Variants in LNX1 observed in about 807,000 individuals in gnomAD.
The protein encoded by LNX1 is ligand of numb-protein X 1.
LNX1 carries 54 observed loss-of-function variants against 68.4 expected under a neutral mutation model. The ratio of observed to expected loss-of-function variants is 0.79; its 90% confidence interval spans 0.63 to 0.99. The LOEUF (loss-of-function observed/expected upper bound fraction) is 0.99, where lower values mean the gene tolerates loss of function less well. Ranked by LOEUF, LNX1 falls within the 50% of genes least tolerant of loss-of-function variation. The pLI is 0.00. For synonymous variants in LNX1, 336 were observed against 350.0 expected, an observed-to-expected ratio of 0.96 and a Z score of 0.45; for missense variants, 906 against 926.4, an observed-to-expected ratio of 0.98 and a Z score of 0.29.
chr4:53,624,552 A>G (rs144588444), intron 1 of LNX1, among the ~76,000 whole-genome samples: 148 of 152,286 alleles, frequency 9.7e-4, no homozygotes, highest in Non-Finnish European at 2.0e-3. Context: ...TGTCTTTATC[A>G]GCAGCATGAA....
At chr4:53,579,127 T>G in intron 1 of LNX1, 1 of 268,046 alleles carries the variant, frequency 3.7e-6, no homozygotes, top group Non-Finnish European at 5.7e-6. Context: ...CCATATAAAT[T>G]TACTGAATGT....
chr4:53,463,244 C>T (rs1449449656), intron 9 of LNX1, among the ~76,000 whole-genome samples: 1 of 152,028 alleles, frequency 6.6e-6, no homozygotes, highest in Non-Finnish European at 1.5e-5. Flanking sequence ...CCTCTTGATA[C>T]TGGAGAGAAC....
Position 53,459,426 on chromosome 4 carries a change from A to G in LNX1, c.*1481T>C. On this transcript the variant is annotated 3_prime_UTR_variant, in exon 11 of 11. Coordinates refer to ENST00000263925, the MANE Select transcript of LNX1 (RefSeq NM_001126328.3). ...TGAGCCTGCCCCTGAACAGGAGAGC[A>G]CCGAAGCTACACCTGCAGAATAGGC... is the stretch of plus-strand genomic sequence containing the variant. The G allele has an allele frequency of 3.1e-6, 5 of 1,613,320 alleles. No individual in the cohort carries two copies. The highest frequency in any genetic ancestry group is 4.2e-6 in the Non-Finnish European group (5 of 1,179,580).
chr4:53,629,112 C>T lies in LNX1; in HGVS notation c.-215+23056G>A, dbSNP rs73151316. ...CCATGTAACCATAAACCACTTGTACCCCCAAAGCTATTGAAATAAATGTGA... is the reference window on the plus strand; with the variant it reads ...CCATGTAACCATAAACCACTTGTACTCCCAAAGCTATTGAAATAAATGTGA... On this transcript the variant is annotated intron_variant, in intron 1 of 2. Coordinates refer to the LNX1 transcript ENST00000507168. Among the ~76,000 whole-genome samples, 822 of 152,174 alleles carry T rather than the reference C, an allele frequency of 5.4e-3. 3 individuals carry two copies. The highest frequency in any genetic ancestry group is 0.019 in the African/African-American group (787 of 41,510).
intron 2 of LNX1, among the ~76,000 whole-genome samples, chr4:53,527,067 A>AAAAAT (rs1727668081): frequency 6.6e-6 from 1 of 151,398 alleles, no homozygotes; most frequent in South Asian, 2.1e-4. Flanking sequence ...AAAAAAAAAA[A>AAAAAT]AAAAACTAGA....
intron 2 of LNX1, among the ~76,000 whole-genome samples, chr4:53,615,772 T>G (rs982147054): frequency 2.6e-5 from 4 of 152,188 alleles, no homozygotes; most frequent in African/African-American, 9.7e-5. Flanking sequence ...TAAAAAATTT[T>G]TAGTGGGCAT....
chr4:53,495,004 C>T (rs1160063976), intron 6 of LNX1, among the ~76,000 whole-genome samples: 5 of 151,916 alleles, frequency 3.3e-5, no homozygotes, highest in African/African-American at 9.7e-5. Flanking sequence ...GGACGTGGGG[C>T]GGGGAGGGAA....
intron 1 of LNX1, among the ~76,000 whole-genome samples, chr4:53,581,900 T>C (rs993140142): frequency 7.2e-5 from 11 of 152,244 alleles, no homozygotes; most frequent in African/African-American, 2.7e-4. Context: ...TTTAGCTTAC[T>C]GATCTTGTCT....
chr4:53,626,954 C>T (rs1228907658), intron 1 of LNX1, among the ~76,000 whole-genome samples: 2 of 152,198 alleles, frequency 1.3e-5, no homozygotes, highest in Non-Finnish European at 2.9e-5. Flanking sequence ...AACCTTTACT[C>T]ATCATACACC....
At chr4:53,576,340 G>C in intron 1 of LNX1, 6 of 1,608,658 alleles carry the variant, frequency 3.7e-6, no homozygotes, top group Non-Finnish European at 5.1e-6. Context: ...GGTCCTAAAG[G>C]AGATGGCAGA....
intron 2 of LNX1, among the ~76,000 whole-genome samples, chr4:53,515,024 T>C (rs995016274): frequency 1.3e-5 from 2 of 152,218 alleles, no homozygotes; most frequent in African/African-American, 4.8e-5. Context: ...AGCAATATTT[T>C]CTATACCAGA....
chr4:53,530,150 GT>G (rs1260998137), intron 2 of LNX1, among the ~76,000 whole-genome samples: 18 of 152,198 alleles, frequency 1.2e-4, no homozygotes, highest in African/African-American at 4.3e-4. Flanking sequence ...AATAATAGTT[GT>G]GTTAGAGCAA....
chr4:53,579,168 A>G (rs1731676121), intron 1 of LNX1: 2 of 625,478 alleles, frequency 3.2e-6, no homozygotes, highest in South Asian at 1.4e-4. Flanking sequence ...GCCCTAACTG[A>G]AGTAAGTAGA....
chr4:53,538,236 C>T (rs977926923), intron 2 of LNX1, among the ~76,000 whole-genome samples: 1 of 152,218 alleles, frequency 6.6e-6, no homozygotes, highest in Admixed American at 6.5e-5. Context: ...ACCATGGCAT[C>T]CAGGTTTTAT....
At chr4:53,545,672 C>T (rs777267102) in intron 2 of LNX1, among the ~76,000 whole-genome samples, 3 of 152,110 alleles carry the variant, frequency 2.0e-5, no homozygotes, top group Non-Finnish European at 2.9e-5. Context: ...TTAATTCTTA[C>T]CCCCATGAGG....
chr4:53,560,628 T>C (rs2109736470), intron 2 of LNX1, among the ~76,000 whole-genome samples: 1 of 152,340 alleles, frequency 6.6e-6, no homozygotes. Flanking sequence ...TATTTTTCCC[T>C]GCCTGCCTAA....
At chr4:53,647,731 T>C (rs1326401083) in intron 1 of LNX1, among the ~76,000 whole-genome samples, 1 of 152,254 alleles carries the variant, frequency 6.6e-6, no homozygotes, top group African/African-American at 2.4e-5. Context: ...CTTGCAAAAC[T>C]GAAACTCGTC....
At chr4:53,553,391 T>C (rs111301664) in intron 2 of LNX1, among the ~76,000 whole-genome samples, 1,884 of 152,194 alleles carry the variant, frequency 0.012, 37 homozygotes, top group African/African-American at 0.042. Flanking sequence ...CTCCCAAAGA[T>C]TTTCATTTTA....
chr4:53,541,020 C>T (rs1022753603), intron 2 of LNX1, among the ~76,000 whole-genome samples: 2 of 151,664 alleles, frequency 1.3e-5, no homozygotes, highest in African/African-American at 4.8e-5. Context: ...GCCTGTAATC[C>T]CAGCTACCTG....
Sources: allele counts gnomAD v4.1 joint callset (sites outside exome capture counted in the v4.1 genomes callset), GRCh38; gene constraint gnomAD v4.1.1; transcripts MANE v1.5; gene names NCBI Gene and HGNC (gene_info 2026-07-23, HGNC 2026-07-21).